IQSEC1: variants seen among roughly 807,000 people sequenced by gnomAD.
IQSEC1 encodes the protein IQ motif and Sec7 domain ArfGEF 1.
A neutral mutation model predicts 91.0 loss-of-function variants in IQSEC1; 31 were observed. The observed-to-expected ratio is 0.34, with a 90% CI of 0.26 to 0.46. The LOEUF (loss-of-function observed/expected upper bound fraction) is 0.46, where lower values mean the gene tolerates loss of function less well. Among genes scored for constraint, IQSEC1 ranks in the 20% least tolerant of loss-of-function variants. The pLI, the probability that IQSEC1 is intolerant of heterozygous loss-of-function variation, is 1.00. For synonymous variants in IQSEC1, 699 were observed against 662.6 expected (o/e 1.05, Z -0.84); for missense variants, 1,388 against 1,575.6 (o/e 0.88, Z 2.02).
chr3:13,261,462 G>A (rs1230568222), intron 1 of IQSEC1, among the ~76,000 whole-genome samples: 1 of 152,124 alleles, frequency 6.6e-6, no homozygotes, highest in African/African-American at 2.4e-5. Flanking sequence ...CTGTGCCCGA[G>A]AGCTCCCAGT....
Position 13,026,864 on chromosome 3 carries a change from G to GCTTTTTTTTTTTTTTTTTTTTTTTTT in IQSEC1, c.23+46127_23+46128insAAAAAAAAAAAAAAAAAAAAAAAAAG, listed in dbSNP as rs370534423. 4.4e-5 allele frequency among the ~76,000 whole-genome samples: 4 copies of GCTTTTTTTTTTTTTTTTTTTTTTTTT among 90,864 alleles called. 2 individuals carry two copies. Among genetic ancestry groups the GCTTTTTTTTTTTTTTTTTTTTTTTTT allele is most frequent in the African/African-American group, 6.7e-5 (2 of 29,786 alleles). The allele number at this position is 90,864 out of a possible 152,430, so 59.6% of individuals were successfully genotyped here. ...TGAAGTAGCAGTTATTATCTCCCCA[G>GCTTTTTTTTTTTTTTTTTTTTTTTTT]TTTTTTTTTTTTTTGTTTGTTTTTT... is the stretch of plus-strand genomic sequence containing the variant. On this transcript the variant is annotated intron_variant, in intron 1 of 13. Coordinates refer to ENST00000613206, the MANE Select transcript of IQSEC1 (RefSeq NM_001134382.3).
intron 1 of IQSEC1, among the ~76,000 whole-genome samples, chr3:13,278,898 C>G (rs558436190): frequency 6.6e-6 from 1 of 152,168 alleles, no homozygotes; most frequent in Non-Finnish European, 1.5e-5. Flanking sequence ...CCTGGCTCCA[C>G]CCCGTAGCCA....
At chr3:13,049,602 G>A (rs1448403237) in intron 1 of IQSEC1, among the ~76,000 whole-genome samples, 2 of 151,940 alleles carry the variant, frequency 1.3e-5, no homozygotes, top group Admixed American at 6.5e-5. Flanking sequence ...ACTCCTAATC[G>A]CCCTTCAAAA....
At chr3:13,240,666 T>C (rs13082599) in intron 1 of IQSEC1, among the ~76,000 whole-genome samples, 11,595 of 152,124 alleles carry the variant, frequency 0.076, 821 homozygotes, top group African/African-American at 0.19. Flanking sequence ...TGAGAGCAGG[T>C]CCGTCACTCT....
chr3:13,156,497 G>C (rs1337192699), intron 2 of IQSEC1, among the ~76,000 whole-genome samples: 1 of 152,234 alleles, frequency 6.6e-6, no homozygotes, highest in Non-Finnish European at 1.5e-5. Context: ...AGGGACAGAA[G>C]TGGGAGCATT....
chr3:13,134,289 T>C (rs1038110523), intron 2 of IQSEC1, among the ~76,000 whole-genome samples: 1 of 152,140 alleles, frequency 6.6e-6, no homozygotes, highest in Admixed American at 6.5e-5. Flanking sequence ...ACCTTTGACC[T>C]CCAGGAGAAG....
At chr3:13,192,665 C>T (rs1694057284) in intron 1 of IQSEC1, among the ~76,000 whole-genome samples, 1 of 152,266 alleles carries the variant, frequency 6.6e-6, no homozygotes, top group Non-Finnish European at 1.5e-5. Flanking sequence ...GACCACCAGC[C>T]TGCGGGGGCA....
At chr3:13,219,733 T>G (rs1053716073) in intron 1 of IQSEC1, among the ~76,000 whole-genome samples, 1 of 152,208 alleles carries the variant, frequency 6.6e-6, no homozygotes, top group Non-Finnish European at 1.5e-5. Flanking sequence ...CAGGACAGCA[T>G]GAGGACAGTC....
At chr3:13,242,137 C>T (rs768050237) in intron 1 of IQSEC1, among the ~76,000 whole-genome samples, 6 of 152,164 alleles carry the variant, frequency 3.9e-5, no homozygotes, top group Non-Finnish European at 7.4e-5. Flanking sequence ...TGTGAGAGCC[C>T]CAGGCCTGGT....
At chr3:13,117,599 A>G (rs928541633) in intron 2 of IQSEC1, among the ~76,000 whole-genome samples, 1 of 144,698 alleles carries the variant, frequency 6.9e-6, no homozygotes, top group Non-Finnish European at 1.5e-5. Flanking sequence ...AAAAAAAAAA[A>G]GCCACGGCTG....
At chr3:13,143,004 C>CA (rs752717545) in intron 2 of IQSEC1, among the ~76,000 whole-genome samples, 18 of 152,336 alleles carry the variant, frequency 1.2e-4, no homozygotes, top group Non-Finnish European at 2.2e-4. Context: ...CACCTCTTCA[C>CA]AGGGCCCTTC....
At chr3:13,129,696 T>G (rs1273611819) in intron 2 of IQSEC1, among the ~76,000 whole-genome samples, 1 of 149,990 alleles carries the variant, frequency 6.7e-6, no homozygotes, top group East Asian at 2.0e-4. Context: ...CTTGTTCTGT[T>G]GCCCAGGCTG....
Position 12,900,292 on chromosome 3 carries a change from G to A in IQSEC1, c.*691C>T, listed in dbSNP as rs1694102721. ...GGACTTCTTTGTATGAAAATATGAA[G>A]TATCTGAATTTGTTCCTAGCATTTA... is the stretch of plus-strand genomic sequence containing the variant. On this transcript the variant is annotated 3_prime_UTR_variant, in exon 14 of 14. Transcript: ENST00000613206. 9.1e-6 allele frequency: 9 copies of A among 984,604 alleles called. No homozygotes were observed. The highest frequency in any genetic ancestry group is 1.1e-5 in the Non-Finnish European group (9 of 829,474). 61.0% of individuals were successfully genotyped at this position (984,604 alleles called of 1,614,324 possible).
intron 2 of IQSEC1, among the ~76,000 whole-genome samples, chr3:13,125,036 C>A: frequency 6.6e-6 from 1 of 152,180 alleles, no homozygotes; most frequent in East Asian, 1.9e-4. Context: ...GACCTTTTAA[C>A]GCAAAATTCA....
rs1693768277 is a variant in IQSEC1 at position 12,897,575 on chromosome 3, C to A, written c.*3408G>T. ...CCTCCCTCTTGTCCTGTGCTCAGCA[C>A]CCCCACCTCACCCTGCTCAGTGTTG... On this transcript the variant is annotated 3_prime_UTR_variant, in exon 14 of 14. Transcript: ENST00000613206. 1 of 152,212 alleles carries A rather than the reference C, an allele frequency of 6.6e-6. No homozygotes were observed. The highest frequency in any genetic ancestry group is 6.5e-5 in the Admixed American group (1 of 15,278). 9.4% of individuals were successfully genotyped at this position (152,212 alleles called of 1,614,324 possible). A position where few individuals can be genotyped will look rare whatever the true frequency, so the allele number is the denominator to read the frequency against.
Position 13,138,456 on chromosome 3 carries a change from C to G in IQSEC1, c.302+25648G>C, listed in dbSNP as rs191517094. Among the ~76,000 whole-genome samples the G allele has an allele frequency of 6.6e-5, 10 of 152,174 alleles. No individual in the cohort carries two copies. In the East Asian group the frequency reaches 1.9e-3, roughly 30 times the overall value. ...GCTTCTGCAACACCCACCCCTGCAG[C>G]CTCCCGTCACCTGAAGCCGGCCCAG... On this transcript the variant is annotated intron_variant, in intron 2 of 15. Coordinates refer to the IQSEC1 transcript ENST00000648114.
Position 12,901,228 on chromosome 3 carries a change from TGTGGCAGTACTGG to T in IQSEC1, c.3087_3099del (p.Gln1030CysfsTer86). 6.5e-7 allele frequency: 1 copy of T among 1,548,164 alleles called. No individual in the cohort carries two copies. The highest frequency in any genetic ancestry group is 1.4e-5 in the African/African-American group (1 of 72,898). ...TGGTGGTACGGGGGAGGGTTCTGCATGTGGCAGTACTGGGTGTGATGCCCGTGCATGGCGGCCT... is the reference window on the plus strand; with the variant it reads ...TGGTGGTACGGGGGAGGGTTCTGCATGTGTGATGCCCGTGCATGGCGGCCT... On this transcript the variant is annotated frameshift_variant, in exon 14 of 14. Coordinates refer to ENST00000613206, the MANE Select transcript of IQSEC1 (RefSeq NM_001134382.3). LOFTEE classifies it low-confidence loss of function (END_TRUNC).
chr3:13,043,116 C>T (rs886552671), intron 1 of IQSEC1, among the ~76,000 whole-genome samples: 1 of 152,172 alleles, frequency 6.6e-6, no homozygotes, highest in Non-Finnish European at 1.5e-5. Flanking sequence ...CTATGACAGC[C>T]GCTCATTGGC....
At chr3:13,037,438 C>T (rs1238514411) in intron 1 of IQSEC1, among the ~76,000 whole-genome samples, 1 of 152,150 alleles carries the variant, frequency 6.6e-6, no homozygotes, top group Non-Finnish European at 1.5e-5. Flanking sequence ...CATGGCTATA[C>T]CATGAAATAC....
Sources: allele counts gnomAD v4.1 joint callset (sites outside exome capture counted in the v4.1 genomes callset), GRCh38; gene constraint gnomAD v4.1.1; transcripts MANE v1.5; gene names NCBI Gene and HGNC (gene_info 2026-07-23, HGNC 2026-07-21).